The following AMZ1 variants were observed in gnomAD, a reference collection of about 807,000 sequenced individuals.
AMZ1 encodes the protein archaelysin family metallopeptidase 1.
Under a neutral mutation model 29.9 loss-of-function variants are expected in AMZ1, and 39 were observed. That is an observed-to-expected ratio of 1.30 (90% CI 1.01 to 1.70). The LOEUF (loss-of-function observed/expected upper bound fraction) is 1.70. Ranked by LOEUF, AMZ1 falls within the 40% of genes most tolerant of loss-of-function variation. AMZ1 has a pLI of 0.00. For synonymous variants in AMZ1, 458 were observed against 304.0 expected, an observed-to-expected ratio of 1.51 and a Z score of -5.27; for missense variants, 1,041 against 680.6, an observed-to-expected ratio of 1.53 and a Z score of -5.89.
At chr7:2,757,551 C>T (rs1227045932) in intron 4 of AMZ1, among the ~76,000 whole-genome samples, 2 of 152,162 alleles carry the variant, frequency 1.3e-5, no homozygotes, top group African/African-American at 2.4e-5. Context: ...TAGATGGGAA[C>T]GCGGCCAGGT....
chr7:2,729,769 C>T (rs565256514), intron 4 of AMZ1: 18 of 152,498 alleles, frequency 1.2e-4, no homozygotes, highest in African/African-American at 4.3e-4. Context: ...AATGCTAGGA[C>T]ACATCCCAAA....
At chr7:2,686,409 C>G (rs905049279), upstream of AMZ1, among the ~76,000 whole-genome samples, 20 of 152,190 alleles carry the variant, frequency 1.3e-4, no homozygotes, top group African/African-American at 4.1e-4. Flanking sequence ...TGGCACGTAC[C>G]TGTAGTCTCA....
intron 3 of AMZ1, among the ~76,000 whole-genome samples, chr7:2,705,955 C>T (rs1788329405): frequency 6.6e-6 from 1 of 152,262 alleles, no homozygotes; most frequent in Non-Finnish European, 1.5e-5. Flanking sequence ...CTGTTGGTGC[C>T]AGGCCTGTGG....
At chr7:2,707,678 C>A (rs1252107933) in intron 3 of AMZ1, among the ~76,000 whole-genome samples, 1 of 152,030 alleles carries the variant, frequency 6.6e-6, no homozygotes, top group Non-Finnish European at 1.5e-5. Context: ...CCAGGAAACT[C>A]CAGGGAGAAT....
In AMZ1 at chr7:2,726,672, T is replaced by C. The variant is rs575403345; in HGVS notation, n.550+16856T>C. Among the ~76,000 whole-genome samples, 40 of 152,330 alleles carry C rather than the reference T, an allele frequency of 2.6e-4. No homozygotes were observed. In the Middle Eastern group the frequency reaches 0.01, roughly 39 times the overall value. On this transcript the variant is annotated intron_variant and non_coding_transcript_variant, in intron 4 of 4. Transcript: ENST00000489665. The stretch of plus-strand genomic sequence containing the variant: ...AGTTCAAGCCCCCACCAGCCACACA[T>C]GGGCTAATGGTGCTAAGTGGCATCC...
chr7:2,740,300 A>G (rs1352372577), intron 4 of AMZ1, among the ~76,000 whole-genome samples: 1 of 152,036 alleles, frequency 6.6e-6, no homozygotes, highest in Non-Finnish European at 1.5e-5. Context: ...TGGTATTTGG[A>G]GATGGGGACT....
chr7:2,763,583 A>G (rs371722269), upstream of AMZ1, among the ~76,000 whole-genome samples: 1 of 152,248 alleles, frequency 6.6e-6, no homozygotes, highest in East Asian at 1.9e-4. Context: ...AGCTCGAAAC[A>G]AAAAACAATT....
At position 2,708,577 on chromosome 7, in the gene AMZ1, T is replaced by A; in HGVS notation, c.473-11T>A. ...GCCTCCTGACCCCATCCTCTGGCCC[T>A]CTCCCCGCAGACGGCATCCTGTCCT... On this transcript the variant is annotated splice_polypyrimidine_tract_variant and intron_variant, in intron 3 of 6. Transcript: ENST00000683327. The A allele has an allele frequency of 6.2e-7, 1 of 1,611,646 alleles. No individual in the cohort carries two copies.
At chr7:2,751,161 G>A (rs1222368475) in intron 4 of AMZ1, among the ~76,000 whole-genome samples, 2 of 152,132 alleles carry the variant, frequency 1.3e-5, no homozygotes, top group Non-Finnish European at 2.9e-5. Flanking sequence ...GCTGAGGCAG[G>A]TGGACTGGTT....
Position 2,708,639 on chromosome 7 carries a change from T to C in AMZ1, c.524T>C (p.Val175Ala). The change falls in exon 4 of 7, where the codon GTG (valine) becomes GCG (alanine). Residue 175 changes from valine to alanine, a missense_variant. Val to Ala is a moderately conservative substitution (Grantham distance 64). Transcript: ENST00000683327. ...KNNKPGDALC[V>A]LGLTLSDLYP... is the part of the protein sequence containing the mutation. The stretch of plus-strand genomic sequence containing the variant: ...AACAAGCCAGGGGACGCGCTGTGTG[T>C]GCTGGGCCTCACACTGTCTGACCTG... The C allele has an allele frequency of 6.2e-7, 1 of 1,613,220 alleles. No homozygotes were observed.
At chr7:2,689,071 C>T (rs764754981) in intron 1 of AMZ1, among the ~76,000 whole-genome samples, 9 of 152,186 alleles carry the variant, frequency 5.9e-5, no homozygotes, top group Non-Finnish European at 1.3e-4. Context: ...GTTTTCCCTC[C>T]TAGCGAATGG....
At chr7:2,756,719 T>C (rs1224807004) in intron 4 of AMZ1, among the ~76,000 whole-genome samples, 1 of 152,218 alleles carries the variant, frequency 6.6e-6, no homozygotes, top group African/African-American at 2.4e-5. Flanking sequence ...CAGACGCCCC[T>C]GTCTTTCCCT....
upstream of AMZ1, among the ~76,000 whole-genome samples, chr7:2,685,075 T>C (rs915999239): frequency 6.6e-6 from 1 of 151,570 alleles, no homozygotes; most frequent in Non-Finnish European, 1.5e-5. Flanking sequence ...TTCACTGTGT[T>C]AGCCAGGATG....
chr7:2,687,425 C>A (rs367696939), upstream of AMZ1, among the ~76,000 whole-genome samples: 1 of 152,142 alleles, frequency 6.6e-6, no homozygotes, highest in African/African-American at 2.4e-5. Context: ...CATTTCTGCA[C>A]GGTGAAGCAG....
At position 2,701,690 on chromosome 7, in the gene AMZ1, G is replaced by A. The variant is rs139866961; in HGVS notation, c.304+935G>A. Among the ~76,000 whole-genome samples, 930 of 152,322 alleles carry A rather than the reference G, an allele frequency of 6.1e-3. 14 individuals are homozygous for A. Among genetic ancestry groups the A allele is most frequent in the African/African-American group, 0.021 (880 of 41,586 alleles). On this transcript the variant is annotated intron_variant, in intron 2 of 6. Transcript: ENST00000683327. ...GGAGAGGAGGAAAGGGCTGGTGTCC[G>A]CTTCTGACCAGCGCACCACGCCTTT...
Position 2,700,439 on chromosome 7 carries a change from C to A in AMZ1, c.-13C>A. Reference sequence around the variant, plus strand: ...AGGGGCTCCCAGGAGTGGCCAGGCCCTGCCCGCCCACCATGCTGCAGTGTA... The same window carrying A: ...AGGGGCTCCCAGGAGTGGCCAGGCCATGCCCGCCCACCATGCTGCAGTGTA... On this transcript the variant is annotated 5_prime_UTR_variant, in exon 2 of 7. The change creates a new upstream start codon in the 5' untranslated region. Coordinates refer to ENST00000683327, the MANE Select transcript of AMZ1 (RefSeq NM_001384743.1). The A allele has an allele frequency of 6.3e-7, 1 of 1,593,010 alleles. No homozygotes were observed. Among genetic ancestry groups the A allele is most frequent in the Non-Finnish European group, 8.5e-7 (1 of 1,175,576 alleles).
chr7:2,750,478 T>C lies in AMZ1; in HGVS notation n.551-14234T>C, dbSNP rs552070878. On this transcript the variant is annotated intron_variant and non_coding_transcript_variant, in intron 4 of 4. Coordinates refer to the AMZ1 transcript ENST00000489665. ...CTTGAATAATACCCAACCTTATCTA[T>C]ATTGTTTTTCCCTTTACACATGTAC... is the stretch of plus-strand genomic sequence containing the variant. Among the ~76,000 whole-genome samples the C allele has an allele frequency of 3.3e-5, 5 of 152,364 alleles. No homozygotes were observed. The East Asian group carries it at 9.6e-4, about 29-fold the overall frequency.
rs186747355 is a variant in AMZ1 at position 2,679,959 on chromosome 7, A to G, written c.-219+288A>G. Among the ~76,000 whole-genome samples, 609 of 152,302 alleles carry G rather than the reference A, an allele frequency of 4.0e-3. 16 individuals carry two copies. The highest frequency in any genetic ancestry group is 0.037 in the Admixed American group (573 of 15,296). ...TCGTAGGCAGAGGGACCCCGGAGGT[A>G]GGAACTAGGGATGTGAGGCTGGGGC... On this transcript the variant is annotated intron_variant, in intron 1 of 6. Coordinates refer to the AMZ1 transcript ENST00000312371.
At chr7:2,734,448 T>A (rs772639368) in intron 4 of AMZ1, among the ~76,000 whole-genome samples, 4 of 152,316 alleles carry the variant, frequency 2.6e-5, no homozygotes, top group South Asian at 4.1e-4. Context: ...CTTTCTGTGT[T>A]CTCATGGAAA....
Sources: gnomAD v4.1 joint callset for allele counts (sites outside exome capture counted in the v4.1 genomes callset) on GRCh38, gnomAD v4.1.1 for gene constraint, MANE v1.5 for transcripts, NCBI Gene and HGNC (gene_info 2026-07-23, HGNC 2026-07-21) for gene names.